Variants in PRKN observed in about 807,000 individuals in gnomAD.
The protein encoded by PRKN is parkin RBR E3 ubiquitin protein ligase.
In PRKN, 56 loss-of-function variants were observed where a neutral mutation model predicts 59.5. The ratio of observed to expected loss-of-function variants is 0.94; its 90% CI spans 0.76 to 1.18. The LOEUF (loss-of-function observed/expected upper bound fraction) is 1.18. PRKN is among the 50% of genes most tolerant of loss of function. The pLI is 0.00. For missense variants in PRKN, 657 were observed against 596.4 expected, an observed-to-expected ratio of 1.10 and a Z score of -1.06; for synonymous variants, 250 against 222.1, an observed-to-expected ratio of 1.13 and a Z score of -1.12.
intron 2 of PRKN, among the ~76,000 whole-genome samples, chr6:162,347,528 G>A (rs1784454270): frequency 6.6e-6 from 1 of 151,932 alleles, no homozygotes; most frequent in Non-Finnish European, 1.5e-5. Context: ...TGGCTTTGAT[G>A]ATTCTTGCTT....
At chr6:161,573,438 C>T (rs771078618) in intron 7 of PRKN, among the ~76,000 whole-genome samples, 65 of 151,680 alleles carry the variant, frequency 4.3e-4, no homozygotes, top group Non-Finnish European at 8.1e-4. Flanking sequence ...TAATTTCATT[C>T]GGCCAGGTGC....
chr6:162,068,022 C>T (rs1778408615), intron 4 of PRKN, among the ~76,000 whole-genome samples: 1 of 152,158 alleles, frequency 6.6e-6, no homozygotes, highest in Admixed American at 6.5e-5. Flanking sequence ...CAGATGTCAC[C>T]GTCATGTCAG....
intron 6 of PRKN, among the ~76,000 whole-genome samples, chr6:161,968,801 A>G (rs1780685791): frequency 6.6e-6 from 1 of 152,200 alleles, no homozygotes; most frequent in Non-Finnish European, 1.5e-5. Flanking sequence ...CCAAAGCAAC[A>G]TATTTAAACA....
At chr6:162,442,639 A>C (rs1351441791) in intron 2 of PRKN, among the ~76,000 whole-genome samples, 2 of 152,200 alleles carry the variant, frequency 1.3e-5, no homozygotes, top group Non-Finnish European at 2.9e-5. Context: ...TGCTGGGGCC[A>C]GGAGAGAAGA....
At chr6:162,361,385 T>C (rs1010919660) in intron 2 of PRKN, among the ~76,000 whole-genome samples, 9 of 151,990 alleles carry the variant, frequency 5.9e-5, no homozygotes, top group African/African-American at 1.9e-4. Flanking sequence ...CAAGCCAGGA[T>C]TGGAAAGCTT....
rs1297084264 is a variant in PRKN at position 161,447,036 on chromosome 6, G to A, written c.1084-60159C>T. On this transcript the variant is annotated intron_variant, in intron 9 of 11. Transcript: ENST00000366898. This position sits in a 1 kb window ranked among gnomAD's most constrained non-coding sequence, Gnocchi z 4.1. Reference sequence around the variant, plus strand: ...TTTCTTTTCTGTTAGCTATGGGTAGGTGACTTCTTAATGATCTTTAAGGAA... The same window carrying A: ...TTTCTTTTCTGTTAGCTATGGGTAGATGACTTCTTAATGATCTTTAAGGAA... Among the ~76,000 whole-genome samples the A allele has an allele frequency of 6.6e-6, 1 of 152,108 alleles. No individual in the cohort carries two copies. Among genetic ancestry groups the A allele is most frequent in the African/African-American group, 2.4e-5 (1 of 41,408 alleles).
In PRKN at chr6:161,518,265, T is replaced by C. The variant is rs1386295818; in HGVS notation, c.1083+30589A>G. ...CCTGCATATCTGCTGGCGCTGAAATTCTCTCAGGACAGCTCAGCCCTGCTT... is the reference window on the plus strand; with the variant it reads ...CCTGCATATCTGCTGGCGCTGAAATCCTCTCAGGACAGCTCAGCCCTGCTT... On this transcript the variant is annotated intron_variant, in intron 9 of 11. Transcript: ENST00000366898. This position sits in a 1 kb window ranked among gnomAD's most constrained non-coding sequence, Gnocchi z 5.0. Among the ~76,000 whole-genome samples the C allele has an allele frequency of 1.3e-5, 2 of 152,196 alleles. No individual in the cohort carries two copies. The highest frequency in any genetic ancestry group is 2.4e-5 in the African/African-American group (1 of 41,452).
intron 11 of PRKN, among the ~76,000 whole-genome samples, chr6:161,351,144 A>AAAATATATATAAATATATTTATATTT (rs1489918994): frequency 4.0e-5 from 5 of 124,366 alleles, no homozygotes; most frequent in South Asian, 2.3e-4. Flanking sequence ...ATTTATATTT[A>AAAATATATATAAATATATTTATATTT]AAATATATAT....
At chr6:161,882,373 G>A (rs1583294613) in intron 6 of PRKN, among the ~76,000 whole-genome samples, 2 of 152,188 alleles carry the variant, frequency 1.3e-5, no homozygotes, top group African/African-American at 4.8e-5. Flanking sequence ...GAATCAGGCA[G>A]GTGGTGCGGC....
chr6:161,917,873 G>A (rs1488764566), intron 6 of PRKN, among the ~76,000 whole-genome samples: 1 of 152,192 alleles, frequency 6.6e-6, no homozygotes, highest in Non-Finnish European at 1.5e-5. Flanking sequence ...CGAGATGCAG[G>A]CTTCGCTGAT....
chr6:161,947,302 G>T (rs1779818361), intron 6 of PRKN, among the ~76,000 whole-genome samples: 3 of 152,086 alleles, frequency 2.0e-5, no homozygotes, highest in Admixed American at 2.0e-4. Flanking sequence ...TAGAAAAAAA[G>T]AAAAAAGTAG....
chr6:161,995,780 A>G (rs1295304119), intron 5 of PRKN, among the ~76,000 whole-genome samples: 1 of 152,180 alleles, frequency 6.6e-6, no homozygotes, highest in African/African-American at 2.4e-5. Flanking sequence ...TGTGGAGAAA[A>G]GGCAACTCTT....
chr6:162,505,602 T>C (rs1583686946), intron 1 of PRKN, among the ~76,000 whole-genome samples: 3 of 152,084 alleles, frequency 2.0e-5, no homozygotes, highest in Admixed American at 1.3e-4. Flanking sequence ...AACCAAAATC[T>C]GAGCCACAAA....
intron 9 of PRKN, among the ~76,000 whole-genome samples, chr6:161,412,003 A>ATTCCTCCCTCACTCC (rs1787579325): frequency 7.7e-6 from 1 of 129,528 alleles, no homozygotes; most frequent in Non-Finnish European, 1.6e-5. Flanking sequence ...TTCCTCACTC[A>ATTCCTCCCTCACTCC]TTCCTCCACT....
chr6:161,961,385 G>A (rs578173098), intron 6 of PRKN, among the ~76,000 whole-genome samples: 4 of 152,258 alleles, frequency 2.6e-5, no homozygotes, highest in East Asian at 1.9e-4. Flanking sequence ...GTATCTAGCC[G>A]GTTGGGTGTA....
chr6:162,329,741 C>G (rs1022752525), intron 2 of PRKN, among the ~76,000 whole-genome samples: 1 of 151,884 alleles, frequency 6.6e-6, no homozygotes, highest in Non-Finnish European at 1.5e-5. Context: ...TAAAAAAACT[C>G]AATAATTTTG....
chr6:161,743,366 CCCG>C (rs1211531504), intron 7 of PRKN, among the ~76,000 whole-genome samples: 2 of 149,166 alleles, frequency 1.3e-5, no homozygotes, highest in Non-Finnish European at 3.0e-5. Context: ...ACTACAGGCG[CCCG>C]CCACCACATC....
At chr6:161,606,958 G>C (rs375147941) in intron 7 of PRKN, among the ~76,000 whole-genome samples, 16 of 152,290 alleles carry the variant, frequency 1.1e-4, no homozygotes, top group South Asian at 2.1e-4. Context: ...CACAGCATGG[G>C]GGGGAGATGA....
In PRKN at chr6:161,480,487, C is replaced by T. The variant is rs1791338233; in HGVS notation, c.1083+68367G>A. Among the ~76,000 whole-genome samples the T allele has an allele frequency of 6.6e-6, 1 of 152,192 alleles. No individual in the cohort carries two copies. Among genetic ancestry groups the T allele is most frequent in the African/African-American group, 2.4e-5 (1 of 41,446 alleles). On this transcript the variant is annotated intron_variant, in intron 9 of 11. Coordinates refer to ENST00000366898, the MANE Select transcript of PRKN (RefSeq NM_004562.3). This position sits in a 1 kb window ranked among gnomAD's most constrained non-coding sequence, Gnocchi z 4.1. The stretch of plus-strand genomic sequence containing the variant: ...AGCTTAAACAGCTTGCTTAAAATAG[C>T]AGACTCACAAAATGCCAGAAGCGAG...
Sources: allele counts gnomAD v4.1 joint callset (sites outside exome capture counted in the v4.1 genomes callset), GRCh38; gene constraint gnomAD v4.1.1; non-coding constraint Gnocchi (gnomAD v3.1); transcripts MANE v1.5; gene names NCBI Gene and HGNC (gene_info 2026-07-23, HGNC 2026-07-21).